The following KLRD1 variants were observed in gnomAD, a reference collection of about 807,000 sequenced individuals.
KLRD1 encodes killer cell lectin like receptor D1.
Under a neutral mutation model 22.6 loss-of-function variants are expected in KLRD1, and 21 were observed. The observed-to-expected ratio is 0.93, with a 90% CI of 0.66 to 1.34. The LOEUF is 1.34. KLRD1 is among the 40% of genes most tolerant of loss of function. KLRD1 has a pLI of 0.00. For synonymous variants in KLRD1, 59 were observed against 71.1 expected, an observed-to-expected ratio of 0.83 and a Z score of 0.85; for missense variants, 183 against 208.6, an observed-to-expected ratio of 0.88 and a Z score of 0.76.
upstream of KLRD1, among the ~76,000 whole-genome samples, chr12:10,305,236 T>C (rs946794509): frequency 6.6e-6 from 1 of 152,192 alleles, no homozygotes; most frequent in African/African-American, 2.4e-5. Flanking sequence ...CTTCCTGCAA[T>C]GGATACTAGG....
intron 1 of KLRD1, among the ~76,000 whole-genome samples, chr12:10,288,992 C>G (rs1405511623): frequency 1.3e-5 from 2 of 152,112 alleles, no homozygotes; most frequent in Non-Finnish European, 2.9e-5. Context: ...TTAGGGCATC[C>G]TTTTACCTCC....
chr12:10,263,136 A>T (rs1285296633), intron 1 of KLRD1, among the ~76,000 whole-genome samples: 10 of 151,966 alleles, frequency 6.6e-5, no homozygotes, highest in Admixed American at 6.6e-4. Context: ...CATTATTTTT[A>T]TGCTGAGCTA....
At chr12:10,263,669 C>T (rs530145136) in intron 1 of KLRD1, among the ~76,000 whole-genome samples, 136 of 152,130 alleles carry the variant, frequency 8.9e-4, no homozygotes, top group African/African-American at 3.1e-3. Flanking sequence ...CAGTTTAGTC[C>T]TGTACAAACT....
At chr12:10,268,919 A>G (rs945523966) in intron 1 of KLRD1, among the ~76,000 whole-genome samples, 2 of 152,222 alleles carry the variant, frequency 1.3e-5, no homozygotes, top group South Asian at 2.1e-4. Context: ...TTTTATCATT[A>G]TAACAGTGAT....
chr12:10,250,724 A>G (rs973725707), intron 1 of KLRD1, among the ~76,000 whole-genome samples: 70 of 152,234 alleles, frequency 4.6e-4, no homozygotes, highest in African/African-American at 1.6e-3. Flanking sequence ...TACATTTGCA[A>G]CACCCCTTTG....
intron 1 of KLRD1, among the ~76,000 whole-genome samples, chr12:10,262,161 A>G (rs2137632143): frequency 6.6e-6 from 1 of 152,216 alleles, no homozygotes; most frequent in South Asian, 2.1e-4. Flanking sequence ...TTCTCTATTG[A>G]TAATTATCTG....
At chr12:10,257,256 A>T (rs559110972) in intron 1 of KLRD1, among the ~76,000 whole-genome samples, 1 of 136,312 alleles carries the variant, frequency 7.3e-6, no homozygotes. Flanking sequence ...AGCTTTTTGG[A>T]TTTGTAAGAT....
At chr12:10,250,162 T>C (rs1037812867) in intron 1 of KLRD1, among the ~76,000 whole-genome samples, 2 of 151,062 alleles carry the variant, frequency 1.3e-5, no homozygotes, top group Admixed American at 6.6e-5. Context: ...CTCTCTCTCT[T>C]AAGTCCTTAC....
At chr12:10,300,121 A>G (rs1252092391), upstream of KLRD1, among the ~76,000 whole-genome samples, 2 of 152,158 alleles carry the variant, frequency 1.3e-5, no homozygotes, top group Non-Finnish European at 2.9e-5. Flanking sequence ...TTAGTGTTGT[A>G]TTTTTGACTT....
chr12:10,265,766 A>T (rs897477755), intron 1 of KLRD1, among the ~76,000 whole-genome samples: 2 of 152,192 alleles, frequency 1.3e-5, no homozygotes, highest in Non-Finnish European at 2.9e-5. Flanking sequence ...CAAAAAAAAG[A>T]AAAAGATTCT....
At position 10,329,578 on chromosome 12, in the gene KLRD1, T is replaced by C. The variant is rs577183770; in HGVS notation, c.*14785T>C. ...GTTGCCTTTATGTTTGGTTGTTCTATCCATTATTAAAAGTGAGCACTGAAA... is the reference window on the plus strand; with the variant it reads ...GTTGCCTTTATGTTTGGTTGTTCTACCCATTATTAAAAGTGAGCACTGAAA... On this transcript the variant is annotated 3_prime_UTR_variant, in exon 6 of 6. Transcript: ENST00000336164. 1.3e-5 allele frequency: 2 copies of C among 152,314 alleles called. No homozygotes were observed. The highest frequency in any genetic ancestry group is 2.1e-4 in the South Asian group (1 of 4,826). The allele number at this position is 152,314 out of a possible 1,614,324, so 9.4% of individuals were successfully genotyped here. A position where few individuals can be genotyped will look rare whatever the true frequency, so the allele number is the denominator to read the frequency against.
intron 1 of KLRD1, among the ~76,000 whole-genome samples, chr12:10,291,428 C>G (rs1949769147): frequency 6.6e-6 from 1 of 152,154 alleles, no homozygotes; most frequent in Non-Finnish European, 1.5e-5. Context: ...TCCTTTCAGA[C>G]CCTGCCACTG....
upstream of KLRD1, chr12:10,304,356 G>T (rs1949893063): frequency 6.6e-6 from 1 of 152,164 alleles, no homozygotes; most frequent in Non-Finnish European, 1.5e-5. Flanking sequence ...ACATGGTTAT[G>T]GTTACACATA....
At position 10,323,021 on chromosome 12, in the gene KLRD1, G is replaced by A. The variant is rs893687169; in HGVS notation, c.*8228G>A. On this transcript the variant is annotated 3_prime_UTR_variant, in exon 6 of 6. Coordinates refer to ENST00000336164, the MANE Select transcript of KLRD1 (RefSeq NM_002262.5). ...AGTAGCTCCTCACTTTTATTGTCATGTAGAATTCATAAGAATGTATCACAA... is the reference window on the plus strand; with the variant it reads ...AGTAGCTCCTCACTTTTATTGTCATATAGAATTCATAAGAATGTATCACAA... 6.6e-6 allele frequency: 1 copy of A among 152,198 alleles called. No individual in the cohort carries two copies. Among genetic ancestry groups the A allele is most frequent in the African/African-American group, 2.4e-5 (1 of 41,450 alleles). 9.4% of individuals were successfully genotyped at this position (152,198 alleles called of 1,614,324 possible).
rs1316389955 is a variant in KLRD1, at chr12:10,321,350, TCTCA to T, written c.*6562_*6565del. 6.6e-6 allele frequency: 1 copy of T among 152,160 alleles called. No individual in the cohort carries two copies. Among genetic ancestry groups the T allele is most frequent in the Non-Finnish European group, 1.5e-5 (1 of 68,030 alleles). 9.4% of individuals were successfully genotyped at this position (152,160 alleles called of 1,614,324 possible). ...AACTTAAGGAACTTCACCTGATGAG[TCTCA>T]CTCATACCTGGATGTGACAAATTTC... On this transcript the variant is annotated 3_prime_UTR_variant, in exon 6 of 6. Transcript: ENST00000336164.
chr12:10,324,567 T>G lies in KLRD1; in HGVS notation c.*9774T>G, dbSNP rs970185966. 1 of 151,864 alleles carries G rather than the reference T, an allele frequency of 6.6e-6. No individual in the cohort carries two copies. The highest frequency in any genetic ancestry group is 2.4e-5 in the African/African-American group (1 of 41,386). 9.4% of individuals were successfully genotyped at this position (151,864 alleles called of 1,614,324 possible). Reference sequence around the variant, plus strand: ...ATCCATGTTCCTGCAAAGGACATGATTTTTTTCTTTTTTATGTCTGCATAG... The same window carrying G: ...ATCCATGTTCCTGCAAAGGACATGAGTTTTTTCTTTTTTATGTCTGCATAG... On this transcript the variant is annotated 3_prime_UTR_variant, in exon 6 of 6. Coordinates refer to ENST00000336164, the MANE Select transcript of KLRD1 (RefSeq NM_002262.5).
Position 10,327,513 on chromosome 12 carries a change from TAATA to T in KLRD1, c.*12724_*12727del. On this transcript the variant is annotated 3_prime_UTR_variant, in exon 6 of 6. Transcript: ENST00000336164. ...AATATTTTAACTATATGAAGTCTTT[TAATA>T]AATGAATATAGGAGGATTTTTGCAT... 6.6e-6 allele frequency: 1 copy of T among 152,334 alleles called. No homozygotes were observed. Among genetic ancestry groups the T allele is most frequent in the Admixed American group, 6.5e-5 (1 of 15,290 alleles). 9.4% of individuals were successfully genotyped at this position (152,334 alleles called of 1,614,324 possible).
At chr12:10,260,630 G>A (rs947150601) in intron 1 of KLRD1, among the ~76,000 whole-genome samples, 1 of 123,762 alleles carries the variant, frequency 8.1e-6, no homozygotes, top group African/African-American at 3.0e-5. Context: ...ATGAAACCCC[G>A]TCTCTACTAA....
intron 1 of KLRD1, among the ~76,000 whole-genome samples, chr12:10,243,250 A>G (rs1949257586): frequency 6.6e-6 from 1 of 152,164 alleles, no homozygotes; most frequent in Non-Finnish European, 1.5e-5. Context: ...TAATCATTCT[A>G]CAATGTGTAC....
Sources: gnomAD v4.1 joint callset for allele counts (sites outside exome capture counted in the v4.1 genomes callset) on GRCh38, gnomAD v4.1.1 for gene constraint, MANE v1.5 for transcripts, NCBI Gene and HGNC (gene_info 2026-07-23, HGNC 2026-07-21) for gene names.